BLM: variants seen among roughly 807,000 people sequenced by gnomAD.
The protein encoded by BLM is BLM RecQ like helicase.
Under a neutral mutation model 135.3 loss-of-function variants are expected in BLM, and 95 were observed. The observed-to-expected ratio is 0.70, with a 90% CI of 0.59 to 0.83. BLM has a LOEUF of 0.83. Among genes scored for constraint, BLM ranks in the 40% least tolerant of loss-of-function variants. The probability of loss-of-function intolerance (pLI) is 0.00; values close to 1 mark genes in which losing one functional copy is unlikely to be tolerated. For missense variants in BLM, 1,518 were observed against 1,663.9 expected (o/e 0.91, Z 1.53); for synonymous variants, 520 against 589.2 (o/e 0.88, Z 1.70).
At chr15:90,774,567 C>A (rs1896420700) in intron 12 of BLM, among the ~76,000 whole-genome samples, 1 of 151,000 alleles carries the variant, frequency 6.6e-6, no homozygotes, top group African/African-American at 2.4e-5. Context: ...GGCTCGGTGG[C>A]TCATGCCTGT....
At chr15:90,725,781 G>GA (rs1567024242) in intron 1 of BLM, among the ~76,000 whole-genome samples, 1 of 151,718 alleles carries the variant, frequency 6.6e-6, no homozygotes, top group Non-Finnish European at 1.5e-5. Flanking sequence ...AAAGTGCTGG[G>GA]ATTACAGGCG....
At chr15:90,747,595 A>T (rs758979036) in intron 2 of BLM, 105 bp downstream of exon 2, 2 of 773,904 alleles carry the variant, frequency 2.6e-6, no homozygotes, top group Non-Finnish European at 4.5e-6. Flanking sequence ...TGAGGAAATG[A>T]AGCTGAGAGA....
Position 90,782,713 on chromosome 15 carries a change from A to T in BLM, c.2556-109A>T, listed in dbSNP as rs539758508. On this transcript the variant is annotated intron_variant, in intron 12 of 21. Transcript: ENST00000355112. ...TCTCCCGGAGGCTCCAACTCCTAAT[A>T]CCATCACACTGGGGGTTAGGATTTT... 9 of 805,488 alleles carry T rather than the reference A, an allele frequency of 1.1e-5. No homozygotes were observed. In the Admixed American group the frequency reaches 1.3e-4, roughly 11 times the overall value. The allele number at this position is 805,488 out of a possible 1,614,324, so 49.9% of individuals were successfully genotyped here. A position where few individuals can be genotyped will look rare whatever the true frequency, so the allele number is the denominator to read the frequency against.
chr15:90,753,849 C>T (rs1196442123), intron 4 of BLM, among the ~76,000 whole-genome samples: 1 of 152,230 alleles, frequency 6.6e-6, no homozygotes, highest in Non-Finnish European at 1.5e-5. Flanking sequence ...TTTATCTCCA[C>T]TTATGCCCTT....
At chr15:90,814,328 CG>C (rs1897499767) in intron 21 of BLM, among the ~76,000 whole-genome samples, 1 of 152,192 alleles carries the variant, frequency 6.6e-6, no homozygotes, top group East Asian at 1.9e-4. Flanking sequence ...GTAAACATGC[CG>C]GCCCCATGGT....
chr15:90,760,594 A>C lies in BLM; in HGVS notation c.1221A>C (p.Arg407Ser), dbSNP rs900060314. The change falls in exon 7 of 22, where the codon AGA (arginine) becomes AGC (serine). Residue 407 changes from arginine to serine, a missense_variant and splice_region_variant. By Grantham distance (110) the Arg-to-Ser change is moderately radical (BLOSUM62 -1). Coordinates refer to ENST00000355112, the MANE Select transcript of BLM (RefSeq NM_000057.4). ...GNELLQQRNI[R>S]RKLLTEVDFN... ...ACGTTGTTCTCTTTTCTCTCTTCAGAAGGAAACTTCTAACGGAAGTAGATT... is the reference window on the plus strand; with the variant it reads ...ACGTTGTTCTCTTTTCTCTCTTCAGCAGGAAACTTCTAACGGAAGTAGATT... The C allele has an allele frequency of 3.5e-5, 56 of 1,609,566 alleles. No individual in the cohort carries two copies. The highest frequency in any genetic ancestry group is 4.7e-5 in the Non-Finnish European group (55 of 1,177,568).
chr15:90,783,627 C>G lies in BLM; in HGVS notation c.2662+699C>G, dbSNP rs566211251. On this transcript the variant is annotated intron_variant, in intron 13 of 21. Transcript: ENST00000355112. ...TAAAGAAAATTTATATGGCCAGGCA[C>G]TGTGGTTCACGCCTGTAATCTCAGC... 4.8e-4 allele frequency among the ~76,000 whole-genome samples: 73 copies of G among 152,266 alleles called. 2 individuals are homozygous for G. The South Asian group carries it at 0.014, about 29-fold the overall frequency.
intron 1 of BLM, among the ~76,000 whole-genome samples, chr15:90,729,038 G>A (rs934322180): frequency 6.6e-6 from 1 of 151,848 alleles, no homozygotes; most frequent in South Asian, 2.1e-4. Flanking sequence ...AATAACACAC[G>A]GTAGCTCACA....
At chr15:90,772,500 G>A (rs922013172) in intron 12 of BLM, among the ~76,000 whole-genome samples, 18 of 152,148 alleles carry the variant, frequency 1.2e-4, no homozygotes, top group Non-Finnish European at 2.5e-4. Flanking sequence ...CCACACAAAA[G>A]CAAGGTAGGT....
At chr15:90,751,731 T>C in intron 3 of BLM, 56 bp from the exon 4 acceptor site, 1 of 1,489,298 alleles carries the variant, frequency 6.7e-7, no homozygotes, top group South Asian at 1.1e-5. Flanking sequence ...CATGCCCTGT[T>C]CTTTCTGTCT....
intron 1 of BLM, among the ~76,000 whole-genome samples, chr15:90,727,352 C>A (rs1045833935): frequency 6.6e-6 from 1 of 151,910 alleles, no homozygotes; most frequent in African/African-American, 2.4e-5. Flanking sequence ...TTTTTAACAT[C>A]TTTTATTGTG....
intron 12 of BLM, among the ~76,000 whole-genome samples, chr15:90,777,431 G>T (rs954370735): frequency 2.0e-5 from 3 of 152,194 alleles, no homozygotes; most frequent in Admixed American, 1.3e-4. Flanking sequence ...GGGATTAGAG[G>T]CGTGAGCCAC....
intron 17 of BLM, among the ~76,000 whole-genome samples, chr15:90,799,163 C>CA (rs1567060744): frequency 6.6e-6 from 1 of 150,784 alleles, no homozygotes; most frequent in African/African-American, 2.4e-5. Flanking sequence ...GACTCCATCT[C>CA]AAAAAAAGAA....
intron 1 of BLM, among the ~76,000 whole-genome samples, chr15:90,733,668 T>C (rs900725202): frequency 6.6e-6 from 1 of 152,222 alleles, no homozygotes; most frequent in Non-Finnish European, 1.5e-5. Flanking sequence ...TTTATTGATA[T>C]AGACTGCACG....
At chr15:90,737,721 G>C (rs552719635) in intron 1 of BLM, among the ~76,000 whole-genome samples, 1 of 151,980 alleles carries the variant, frequency 6.6e-6, no homozygotes, top group South Asian at 2.1e-4. Flanking sequence ...CATTAAAAAA[G>C]AAAGATCTGA....
At chr15:90,732,174 A>G (rs973606534) in intron 1 of BLM, among the ~76,000 whole-genome samples, 4 of 152,158 alleles carry the variant, frequency 2.6e-5, no homozygotes, top group Admixed American at 2.0e-4. Flanking sequence ...ACTCACTATG[A>G]TATCTTACTT....
chr15:90,787,074 G>A (rs1388078236), intron 14 of BLM, among the ~76,000 whole-genome samples: 1 of 112,960 alleles, frequency 8.9e-6, no homozygotes, highest in Admixed American at 1.0e-4. Flanking sequence ...TTTGAGACGG[G>A]AGTCTCACTC....
chr15:90,790,948 C>T (rs1318529170), intron 15 of BLM, 104 bp downstream of exon 15: 31 of 1,211,766 alleles, frequency 2.6e-5, no homozygotes, highest in African/African-American at 3.0e-5. Context: ...CTTAAATAAT[C>T]GTAGAAAAAT....
In BLM at chr15:90,720,235, A is replaced by T. The variant is rs113410993; in HGVS notation, c.-5+2795A>T. ...TTCCCATCTCTGTACTTCAGTGCCT[A>T]CCATGATGCCTGGCACAGAGTAGTC... On this transcript the variant is annotated intron_variant, in intron 1 of 21. Transcript: ENST00000355112. 1.8e-3 allele frequency among the ~76,000 whole-genome samples: 271 copies of T among 152,320 alleles called. 2 individuals carry two copies. The Middle Eastern group carries it at 0.024, about 13-fold the overall frequency.
Sources: gnomAD v4.1 joint callset for allele counts (sites outside exome capture counted in the v4.1 genomes callset) on GRCh38, gnomAD v4.1.1 for gene constraint, MANE v1.5 for transcripts, NCBI Gene and HGNC (gene_info 2026-07-23, HGNC 2026-07-21) for gene names.